The following ZNF577 variants were observed in gnomAD, a reference collection of about 807,000 sequenced individuals.
ZNF577 encodes zinc finger protein 577.
A neutral mutation model predicts 13.9 loss-of-function variants in ZNF577; 14 were observed. The ratio of observed to expected loss-of-function variants is 1.00; its 90% CI spans 0.66 to 1.57. ZNF577 has a LOEUF of 1.57. Ranked by LOEUF, ZNF577 falls within the 40% of genes most tolerant of loss-of-function variation. The pLI is 0.00. For missense variants in ZNF577, 555 were observed against 579.2 expected, an observed-to-expected ratio of 0.96 and a Z score of 0.43; for synonymous variants, 203 against 202.9, an observed-to-expected ratio of 1.00 and a Z score of 0.00.
intron 9 of ZNF577, among the ~76,000 whole-genome samples, chr19:51,812,108 A>T (rs1253321983): frequency 6.6e-6 from 1 of 152,228 alleles, no homozygotes; most frequent in Non-Finnish European, 1.5e-5. Flanking sequence ...TTGCTCTAAA[A>T]CAGAATATGT....
chr19:51,866,886 C>A (rs957409323), downstream of ZNF577, among the ~76,000 whole-genome samples: 8 of 151,812 alleles, frequency 5.3e-5, no homozygotes, highest in Non-Finnish European at 1.2e-4. Context: ...GAGGCTGGGG[C>A]AAGAGAATCA....
rs984513764 is a variant in ZNF577, at chr19:51,870,279, C to G, written c.*2253G>C. 3.9e-5 allele frequency among the ~76,000 whole-genome samples: 6 copies of G among 152,172 alleles called. No homozygotes were observed. The highest frequency in any genetic ancestry group is 1.4e-4 in the African/African-American group (6 of 41,438). On this transcript the variant is annotated 3_prime_UTR_variant, in exon 6 of 6. Coordinates refer to ENST00000638348, the MANE Select transcript of ZNF577 (RefSeq NM_001370449.1). ...TATATTTTCCTGCTTCTTTGCACACCTGGGTAAGTTTGTATTGGATGCCAG... is the reference window on the plus strand; with the variant it reads ...TATATTTTCCTGCTTCTTTGCACACGTGGGTAAGTTTGTATTGGATGCCAG...
At chr19:51,813,793 C>G (rs1358975898) in intron 9 of ZNF577, among the ~76,000 whole-genome samples, 1 of 152,180 alleles carries the variant, frequency 6.6e-6, no homozygotes, top group African/African-American at 2.4e-5. Context: ...CTCGGCCTCC[C>G]AAAGTGCTGG....
At chr19:51,879,439 C>T (rs1398160991) in intron 3 of ZNF577, among the ~76,000 whole-genome samples, 5 of 149,222 alleles carry the variant, frequency 3.4e-5, no homozygotes, top group South Asian at 2.1e-4. Context: ...TGTGGTGGCA[C>T]GCACCTGTAA....
intron 9 of ZNF577, chr19:51,826,247 T>C (rs1347132091): frequency 1.3e-5 from 2 of 152,262 alleles, no homozygotes; most frequent in Admixed American, 1.3e-4. Flanking sequence ...TCTGTATTTA[T>C]GTTTATGTAG....
chr19:51,845,768 C>T (rs919911332), intron 5 of ZNF577, among the ~76,000 whole-genome samples: 1 of 152,132 alleles, frequency 6.6e-6, no homozygotes, highest in African/African-American at 2.4e-5. Flanking sequence ...ATAATGTATT[C>T]CAAGTTCATC....
intron 8 of ZNF577, among the ~76,000 whole-genome samples, chr19:51,841,723 A>C (rs1454661947): frequency 6.6e-6 from 1 of 152,232 alleles, no homozygotes; most frequent in Admixed American, 6.5e-5. Flanking sequence ...GTTTGAGGCC[A>C]GGCTGGCCAA....
At chr19:51,852,306 T>G (rs968939520) in intron 5 of ZNF577, among the ~76,000 whole-genome samples, 2 of 152,138 alleles carry the variant, frequency 1.3e-5, no homozygotes, top group African/African-American at 4.8e-5. Context: ...AAAGAAACAA[T>G]TGCAACCCAC....
chr19:51,886,194 T>C (rs1249131864), intron 1 of ZNF577: 1 of 152,122 alleles, frequency 6.6e-6, no homozygotes, highest in Non-Finnish European at 1.5e-5. Context: ...TTTTCAAGTA[T>C]AATCACTTGA....
chr19:51,872,835 C>G lies in ZNF577; in HGVS notation c.1155G>C (p.Leu385=). 6.2e-7 allele frequency: 1 copy of G among 1,614,198 alleles called. No homozygotes were observed. The highest frequency in any genetic ancestry group is 1.1e-5 in the South Asian group (1 of 91,086). ...THIRETAINS[L]TVEKPSSRSH... ...TCCTTGAGGAAGGTTTCTCCACCGT[C>G]AGTGAATTTATGGCTGTCTCTCTTA... is the stretch of plus-strand genomic sequence containing the variant. Residue 385 remains leucine, a synonymous_variant, in exon 6 of 6, where the codon CTG becomes CTC. Transcript: ENST00000638348.
intron 9 of ZNF577, among the ~76,000 whole-genome samples, chr19:51,828,743 G>A (rs930915689): frequency 2.0e-5 from 3 of 152,060 alleles, no homozygotes; most frequent in East Asian, 1.9e-4. Context: ...AGGCCTGGTC[G>A]GTCTGGGACA....
At chr19:51,855,115 T>A (rs1391719761) in intron 5 of ZNF577, among the ~76,000 whole-genome samples, 1 of 152,202 alleles carries the variant, frequency 6.6e-6, no homozygotes, top group Non-Finnish European at 1.5e-5. Context: ...ACTTTTCTGA[T>A]TGTGTGTCAC....
At chr19:51,834,172 C>G (rs1001075214) in intron 9 of ZNF577, among the ~76,000 whole-genome samples, 21 of 152,056 alleles carry the variant, frequency 1.4e-4, no homozygotes, top group African/African-American at 5.1e-4. Flanking sequence ...CTCACTGCAG[C>G]CTTAAAACCC....
At chr19:51,823,483 G>A (rs752764302) in intron 9 of ZNF577, among the ~76,000 whole-genome samples, 6 of 152,146 alleles carry the variant, frequency 3.9e-5, no homozygotes, top group Admixed American at 6.5e-5. Flanking sequence ...CAGTATTTCC[G>A]CTGGTGGACA....
At chr19:51,847,993 C>T (rs951674095) in intron 5 of ZNF577, among the ~76,000 whole-genome samples, 2 of 152,186 alleles carry the variant, frequency 1.3e-5, no homozygotes, top group Non-Finnish European at 2.9e-5. Flanking sequence ...AATATGGTCG[C>T]GCCCAAGCCC....
chr19:51,850,591 T>C (rs1371203586), intron 5 of ZNF577, among the ~76,000 whole-genome samples: 1 of 152,252 alleles, frequency 6.6e-6, no homozygotes, highest in Non-Finnish European at 1.5e-5. Flanking sequence ...TACCTGTGGG[T>C]ATAATGCCTT....
At chr19:51,826,823 T>C (rs1046921867) in intron 9 of ZNF577, among the ~76,000 whole-genome samples, 10 of 151,938 alleles carry the variant, frequency 6.6e-5, no homozygotes, top group Non-Finnish European at 1.0e-4. Context: ...CATAGGAGAG[T>C]GGAAAGTGGT....
intron 9 of ZNF577, among the ~76,000 whole-genome samples, chr19:51,834,340 A>C (rs1324477496): frequency 2.0e-5 from 3 of 152,228 alleles, no homozygotes; most frequent in Non-Finnish European, 4.4e-5. Context: ...AAGCACAATC[A>C]AGTAACCTAA....
At chr19:51,823,925 C>T in intron 9 of ZNF577, 1 of 1,614,114 alleles carries the variant, frequency 6.2e-7, no homozygotes, top group Non-Finnish European at 8.5e-7. Flanking sequence ...CACGCACAGT[C>T]AACACCATCT....
Sources: allele counts gnomAD v4.1 joint callset (sites outside exome capture counted in the v4.1 genomes callset), GRCh38; gene constraint gnomAD v4.1.1; transcripts MANE v1.5; gene names NCBI Gene and HGNC (gene_info 2026-07-23, HGNC 2026-07-21).